The following C3orf70 variants were observed in gnomAD, a reference collection of about 807,000 sequenced individuals.
C3orf70 encodes the protein chromosome 3 open reading frame 70.
C3orf70 carries 15 observed loss-of-function variants against 20.7 expected under a neutral mutation model. The observed-to-expected ratio is 0.72, with a 90% CI of 0.48 to 1.11. The LOEUF is 1.11. Among genes scored for constraint, C3orf70 ranks in the 50% most tolerant of loss-of-function variants. The pLI is 0.00. For missense variants in C3orf70, 332 were observed against 317.6 expected (o/e 1.05, Z -0.34); for synonymous variants, 161 against 125.7 (o/e 1.28, Z -1.88).
In C3orf70 at chr3:185,083,048, A is replaced by G. The variant is rs201641850; in HGVS notation, c.712T>C (p.Ser238Pro). 6 of 1,614,108 alleles carry G rather than the reference A, an allele frequency of 3.7e-6. No individual in the cohort carries two copies. The Admixed American group carries it at 1.0e-4, about 27-fold the overall frequency. Residue 238 changes from serine to proline, a missense_variant, in exon 2 of 2, where the codon TCT becomes CCT. By Grantham distance (74) the Ser-to-Pro change is moderately conservative. Transcript: ENST00000335012. The stretch of plus-strand genomic sequence containing the variant: ...ATCGTTTCAATCACTTCCAGGTCAG[A>G]CTGCGAGGGGGAGAGAAGGGTGCAC... ...DECTLLSPSQSDLEVIETIET... is the reference protein window; with the variant it reads ...DECTLLSPSQPDLEVIETIET...
At chr3:185,143,322 A>C (rs1239824858) in intron 1 of C3orf70, among the ~76,000 whole-genome samples, 1 of 152,178 alleles carries the variant, frequency 6.6e-6, no homozygotes, top group Non-Finnish European at 1.5e-5. Flanking sequence ...CAACAGATAA[A>C]ATTTTCCATG....
At position 185,152,695 on chromosome 3, in the gene C3orf70, G is replaced by C. The variant is rs762434115; in HGVS notation, c.129C>G (p.Ile43Met). 1.9e-6 allele frequency: 3 copies of C among 1,594,658 alleles called. No individual in the cohort carries two copies. The highest frequency in any genetic ancestry group is 2.6e-6 in the Non-Finnish European group (3 of 1,170,966). The change falls in exon 1 of 2, where the codon ATC becomes ATG. Residue 43 changes from isoleucine (I) to methionine (M), a missense_variant. Ile to Met is a conservative substitution (Grantham distance 10, BLOSUM62 1). Coordinates refer to ENST00000335012, the MANE Select transcript of C3orf70 (RefSeq NM_001025266.3). ...ACTTGCCATGGCTGTGCGTGGCACAGATAGACAGCCCGTCGCACGGCTGGA... is the reference window on the plus strand; with the variant it reads ...ACTTGCCATGGCTGTGCGTGGCACACATAGACAGCCCGTCGCACGGCTGGA... ...PDFQPCDGLS[I>M]CATHSHGKCF...
chr3:185,122,702 AG>A (rs1487230872), intron 1 of C3orf70, among the ~76,000 whole-genome samples: 2 of 152,174 alleles, frequency 1.3e-5, no homozygotes, highest in Non-Finnish European at 2.9e-5. Flanking sequence ...TTTCCAGAAG[AG>A]GTTAGTGTGT....
At chr3:185,120,041 A>AAAAGAAAGAAAAAGAG (rs1219744177) in intron 1 of C3orf70, among the ~76,000 whole-genome samples, 1 of 145,664 alleles carries the variant, frequency 6.9e-6, no homozygotes, top group African/African-American at 2.5e-5. Flanking sequence ...AAAAAAAAGA[A>AAAAGAAAGAAAAAGAG]AAAGAAAAAA....
intron 1 of C3orf70, among the ~76,000 whole-genome samples, chr3:185,122,053 C>T (rs549377076): frequency 7.5e-5 from 11 of 147,194 alleles, no homozygotes; most frequent in African/African-American, 2.5e-4. Flanking sequence ...GAACCGAGAT[C>T]GTGCCACTGC....
intron 1 of C3orf70, among the ~76,000 whole-genome samples, chr3:185,088,956 A>C (rs761791438): frequency 5.9e-5 from 9 of 152,230 alleles, no homozygotes; most frequent in Non-Finnish European, 1.2e-4. Context: ...TGTCAGACCC[A>C]AACAAACTTA....
At chr3:185,150,951 G>C (rs1716978727) in intron 1 of C3orf70, among the ~76,000 whole-genome samples, 1 of 152,166 alleles carries the variant, frequency 6.6e-6, no homozygotes, top group South Asian at 2.1e-4. Context: ...CCTATTTCAG[G>C]AAAGACATTG....
intron 1 of C3orf70, among the ~76,000 whole-genome samples, chr3:185,090,979 G>A (rs1053444859): frequency 6.6e-6 from 1 of 152,100 alleles, no homozygotes; most frequent in African/African-American, 2.4e-5. Context: ...AATCTAGTGA[G>A]ACAGACCACC....
chr3:185,094,871 G>A (rs1441436255), intron 1 of C3orf70, among the ~76,000 whole-genome samples: 1 of 152,134 alleles, frequency 6.6e-6, no homozygotes, highest in Non-Finnish European at 1.5e-5. Context: ...GGGGTGAGAT[G>A]AAGCATGAAA....
chr3:185,139,386 C>G (rs763446071), intron 1 of C3orf70, among the ~76,000 whole-genome samples: 3 of 151,764 alleles, frequency 2.0e-5, no homozygotes, highest in Non-Finnish European at 4.4e-5. Context: ...AACCCCATCT[C>G]TACTAAAAAT....
chr3:185,099,038 T>C (rs1715767437), intron 1 of C3orf70, among the ~76,000 whole-genome samples: 1 of 152,212 alleles, frequency 6.6e-6, no homozygotes, highest in African/African-American at 2.4e-5. Flanking sequence ...AAAACACTAA[T>C]ATAGTGGAAC....
At chr3:185,145,205 A>G (rs1716832533) in intron 1 of C3orf70, among the ~76,000 whole-genome samples, 1 of 152,248 alleles carries the variant, frequency 6.6e-6, no homozygotes, top group Non-Finnish European at 1.5e-5. Flanking sequence ...GATCTATAAC[A>G]TGAAAGAACA....
At chr3:185,108,057 G>A (rs1364524926) in intron 1 of C3orf70, among the ~76,000 whole-genome samples, 7 of 152,090 alleles carry the variant, frequency 4.6e-5, no homozygotes, top group Admixed American at 1.3e-4. Context: ...TCCCTCTCAC[G>A]AAGGCACAAA....
intron 1 of C3orf70, among the ~76,000 whole-genome samples, chr3:185,114,322 T>C (rs1028387704): frequency 1.3e-5 from 2 of 151,692 alleles, no homozygotes; most frequent in African/African-American, 2.4e-5. Flanking sequence ...TTAAAAGGAG[T>C]CAAGTAATTA....
chr3:185,077,843 G>A lies in C3orf70; in HGVS notation c.*5164C>T, dbSNP rs1715231611. ...ATAAACCCAATGTAGCCAGAGTTCT[G>A]GGAGTTATCATGAGTGGTGACTCTG... On this transcript the variant is annotated 3_prime_UTR_variant, in exon 2 of 2. Coordinates refer to ENST00000335012, the MANE Select transcript of C3orf70 (RefSeq NM_001025266.3). 6.6e-6 allele frequency among the ~76,000 whole-genome samples: 1 copy of A among 151,240 alleles called. No homozygotes were observed. Among genetic ancestry groups the A allele is most frequent in the African/African-American group, 2.4e-5 (1 of 41,144 alleles).
chr3:185,092,415 C>T (rs1405610395), intron 1 of C3orf70, among the ~76,000 whole-genome samples: 1 of 151,956 alleles, frequency 6.6e-6, no homozygotes, highest in Non-Finnish European at 1.5e-5. Context: ...ATAAACTCCT[C>T]TCTGTCCAGA....
chr3:185,125,065 G>C (rs1293557254), intron 1 of C3orf70, among the ~76,000 whole-genome samples: 1 of 152,094 alleles, frequency 6.6e-6, no homozygotes, highest in Non-Finnish European at 1.5e-5. Flanking sequence ...TGGTGGGAAT[G>C]CAAAATAAAA....
Position 185,113,618 on chromosome 3 carries a change from T to C in C3orf70, c.197-30055A>G, listed in dbSNP as rs563757482. Among the ~76,000 whole-genome samples, 25 of 152,326 alleles carry C rather than the reference T, an allele frequency of 1.6e-4. 1 individual carries two copies. The highest frequency in any genetic ancestry group is 6.0e-4 in the African/African-American group (25 of 41,578). On this transcript the variant is annotated intron_variant, in intron 1 of 1. Coordinates refer to ENST00000335012, the MANE Select transcript of C3orf70 (RefSeq NM_001025266.3). ...TTCATTAGTCTTAGGGCTTCTATTA[T>C]AACTAATTGCTAGATAGTGCCAAAA...
intron 1 of C3orf70, among the ~76,000 whole-genome samples, chr3:185,113,300 G>GAAAA (rs1438530827): frequency 2.8e-5 from 4 of 142,898 alleles, no homozygotes; most frequent in African/African-American, 8.5e-5. Flanking sequence ...AAGAAAAAAA[G>GAAAA]AAAGTTAATG....
Sources: gnomAD v4.1 joint callset for allele counts (sites outside exome capture counted in the v4.1 genomes callset) on GRCh38, gnomAD v4.1.1 for gene constraint, MANE v1.5 for transcripts, NCBI Gene and HGNC (gene_info 2026-07-23, HGNC 2026-07-21) for gene names.